The following CAPN13 variants were observed in gnomAD, a reference collection of about 807,000 sequenced individuals.
CAPN13 encodes calpain 13.
Under a neutral mutation model 98.4 loss-of-function variants are expected in CAPN13, and 90 were observed. That is an observed-to-expected ratio of 0.92 (90% CI 0.77 to 1.09). The LOEUF (loss-of-function observed/expected upper bound fraction) is 1.09. Ranked by LOEUF, CAPN13 falls within the 50% of genes least tolerant of loss-of-function variation. The probability of loss-of-function intolerance (pLI) is 0.00; values close to 1 mark genes in which losing one functional copy is unlikely to be tolerated. For synonymous variants in CAPN13, 330 were observed against 305.5 expected (o/e 1.08, Z -0.84); for missense variants, 887 against 841.3 (o/e 1.05, Z -0.67).
At chr2:30,794,042 G>A (rs777172022) in intron 1 of CAPN13, among the ~76,000 whole-genome samples, 14 of 151,292 alleles carry the variant, frequency 9.3e-5, no homozygotes, top group Non-Finnish European at 1.5e-4. Flanking sequence ...AAAAATATGA[G>A]CCATACAAGA....
chr2:30,745,319 C>T (rs372313382), intron 12 of CAPN13: 16 of 484,648 alleles, frequency 3.3e-5, no homozygotes, highest in Non-Finnish European at 6.4e-5. Flanking sequence ...TACCTTGAAG[C>T]TGCATTTGGA....
chr2:30,796,499 T>G (rs111973500), intron 1 of CAPN13, among the ~76,000 whole-genome samples: 6,536 of 152,044 alleles, frequency 0.043, 449 homozygotes, highest in African/African-American at 0.15. Flanking sequence ...TCCTGTCCTA[T>G]TCTACATTTT....
At chr2:30,761,258 G>A (rs1009599459) in intron 7 of CAPN13, among the ~76,000 whole-genome samples, 12 of 152,180 alleles carry the variant, frequency 7.9e-5, no homozygotes, top group Admixed American at 2.6e-4. Flanking sequence ...CGGGACATGC[G>A]GTCTTGATCA....
intron 8 of CAPN13, among the ~76,000 whole-genome samples, chr2:30,757,799 A>G (rs1450860580): frequency 2.6e-5 from 4 of 152,204 alleles, no homozygotes; most frequent in Non-Finnish European, 4.4e-5. Context: ...TGTCATCCAT[A>G]TATACCTCAC....
chr2:30,734,606 C>T lies in CAPN13; in HGVS notation c.1723-82G>A, dbSNP rs1246461655. The T allele has an allele frequency of 1.3e-5, 15 of 1,126,978 alleles. No individual in the cohort carries two copies. In the South Asian group the frequency reaches 1.4e-4, roughly 11 times the overall value. The allele number at this position is 1,126,978 out of a possible 1,614,324, so 69.8% of individuals were successfully genotyped here. A position where few individuals can be genotyped will look rare whatever the true frequency, so the allele number is the denominator to read the frequency against. On this transcript the variant is annotated intron_variant, in intron 18 of 22. Transcript: ENST00000295055. ...CCTTTTCCATCCTGGGAGCTTGCTT[C>T]CCTAAACCTCAGAGGAAGGCACGGT... is the stretch of plus-strand genomic sequence containing the variant.
At chr2:30,725,418 A>G (rs1468856755) in intron 22 of CAPN13, among the ~76,000 whole-genome samples, 1 of 152,210 alleles carries the variant, frequency 6.6e-6, no homozygotes, top group East Asian at 1.9e-4. Context: ...GATGGGTTGA[A>G]GATGAGCCAG....
At chr2:30,800,948 C>G (rs1253895538) in intron 1 of CAPN13, among the ~76,000 whole-genome samples, 1 of 152,178 alleles carries the variant, frequency 6.6e-6, no homozygotes, top group African/African-American at 2.4e-5. Context: ...GCTCAGATTT[C>G]CCAGCATGGT....
At chr2:30,770,754 A>T (rs1167653748) in intron 4 of CAPN13, among the ~76,000 whole-genome samples, 2 of 152,240 alleles carry the variant, frequency 1.3e-5, no homozygotes, top group African/African-American at 4.8e-5. Flanking sequence ...TGTGAGCTTC[A>T]GTGACACAAG....
At chr2:30,729,565 C>T (rs1193169397) in intron 22 of CAPN13, 2 of 152,140 alleles carry the variant, frequency 1.3e-5, no homozygotes, top group African/African-American at 2.4e-5. Context: ...CACAATAAAA[C>T]TGAAAATAAT....
chr2:30,796,095 A>G (rs961388609), intron 1 of CAPN13, among the ~76,000 whole-genome samples: 46 of 148,864 alleles, frequency 3.1e-4, no homozygotes, highest in African/African-American at 1.0e-3. Context: ...TTTCTTCCCC[A>G]AAATAGAGTC....
At chr2:30,794,656 G>A (rs775329773) in intron 1 of CAPN13, among the ~76,000 whole-genome samples, 2 of 151,860 alleles carry the variant, frequency 1.3e-5, no homozygotes. Flanking sequence ...TCCATCAAAA[G>A]TGAATGAATA....
intron 2 of CAPN13, among the ~76,000 whole-genome samples, chr2:30,782,441 C>T (rs1674033789): frequency 6.6e-6 from 1 of 152,190 alleles, no homozygotes; most frequent in Admixed American, 6.5e-5. Flanking sequence ...TTTGCAGGGT[C>T]ACTTTCTGCC....
At chr2:30,748,881 T>C (rs1672042212) in intron 11 of CAPN13, among the ~76,000 whole-genome samples, 1 of 152,076 alleles carries the variant, frequency 6.6e-6, no homozygotes. Context: ...AATGGAAATA[T>C]GGTCAAGGAG....
chr2:30,769,205 A>T (rs1430158314), intron 5 of CAPN13, among the ~76,000 whole-genome samples: 1 of 152,048 alleles, frequency 6.6e-6, no homozygotes, highest in African/African-American at 2.4e-5. Context: ...AGTCAAGAAC[A>T]TCCTCAGATG....
chr2:30,751,090 C>T lies in CAPN13; in HGVS notation c.1236+13G>A, dbSNP rs766318449. On this transcript the variant is annotated intron_variant, in intron 11 of 22. Coordinates refer to ENST00000295055, the MANE Select transcript of CAPN13 (RefSeq NM_144575.3). Reference sequence around the variant, plus strand: ...ATTTCTACAAGGGAAAGCCCTGAAGCAGGCTGCCTTACCAGAATCACTTGG... The same window carrying T: ...ATTTCTACAAGGGAAAGCCCTGAAGTAGGCTGCCTTACCAGAATCACTTGG... 1.9e-6 allele frequency: 3 copies of T among 1,612,630 alleles called. No homozygotes were observed. The highest frequency in any genetic ancestry group is 1.7e-5 in the Admixed American group (1 of 59,830).
chr2:30,799,704 C>G (rs951314130), intron 1 of CAPN13, among the ~76,000 whole-genome samples: 8 of 152,058 alleles, frequency 5.3e-5, no homozygotes, highest in Non-Finnish European at 1.0e-4. Context: ...TCTGAGATAA[C>G]CTCTGATCCA....
At chr2:30,797,722 G>T (rs1288743623) in intron 1 of CAPN13, among the ~76,000 whole-genome samples, 1 of 152,182 alleles carries the variant, frequency 6.6e-6, no homozygotes, top group East Asian at 1.9e-4. Flanking sequence ...TCCCAACCTC[G>T]GGTCTCTCCA....
intron 7 of CAPN13, among the ~76,000 whole-genome samples, chr2:30,762,071 A>G (rs533160410): frequency 2.6e-5 from 4 of 152,324 alleles, no homozygotes; most frequent in South Asian, 2.1e-4. Flanking sequence ...CACTTGCAGG[A>G]AACCATCCCA....
At chr2:30,762,533 C>G (rs1204109993) in intron 7 of CAPN13, among the ~76,000 whole-genome samples, 1 of 152,186 alleles carries the variant, frequency 6.6e-6, no homozygotes, top group African/African-American at 2.4e-5. Context: ...CTCCTGGCCT[C>G]TTTCTCTCCC....
Sources: allele counts gnomAD v4.1 joint callset (sites outside exome capture counted in the v4.1 genomes callset), GRCh38; gene constraint gnomAD v4.1.1; transcripts MANE v1.5; gene names NCBI Gene and HGNC (gene_info 2026-07-23, HGNC 2026-07-21).